C10orf90: variants seen among roughly 807,000 people sequenced by gnomAD.
C10orf90 encodes the protein (E2-independent) E3 ubiquitin-conjugating enzyme FATS.
In C10orf90, 56 loss-of-function variants were observed where a neutral mutation model predicts 62.5. That is an observed-to-expected ratio of 0.90 (90% CI 0.72 to 1.12). The LOEUF (loss-of-function observed/expected upper bound fraction) is 1.12. Among genes scored for constraint, C10orf90 ranks in the 50% most tolerant of loss-of-function variants. C10orf90 has a pLI of 0.00. For synonymous variants in C10orf90, 386 were observed against 340.4 expected, an observed-to-expected ratio of 1.13 and a Z score of -1.47; for missense variants, 970 against 880.4, an observed-to-expected ratio of 1.10 and a Z score of -1.29.
In C10orf90 at chr10:126,461,498, G is replaced by C. The variant is rs2133724937; in HGVS notation, c.1913C>G (p.Ala638Gly). 6.2e-7 allele frequency: 1 copy of C among 1,614,026 alleles called. No homozygotes were observed. The highest frequency in any genetic ancestry group is 2.2e-5 in the East Asian group (1 of 44,868). Reference sequence around the variant, plus strand: ...TCCATCGCGGGGTGCTGGCGAGGGTGCTGCTGGGGAGGGCTCAGGTGTGGT... The same window carrying C: ...TCCATCGCGGGGTGCTGGCGAGGGTCCTGCTGGGGAGGGCTCAGGTGTGGT... Reference protein sequence around the residue: ...DPTTPEPSPAAPSPAPRDGAG... With the variant: ...DPTTPEPSPAGPSPAPRDGAG... Residue 638 changes from alanine to glycine, a missense_variant, in exon 6 of 10, where the codon GCA (alanine) becomes GGA (glycine). Physicochemically the swap from Ala to Gly is moderately conservative, Grantham distance 60 (BLOSUM62 0). Coordinates refer to ENST00000488181, the MANE Select transcript of C10orf90 (RefSeq NM_001350921.2).
intron 2 of C10orf90, among the ~76,000 whole-genome samples, chr10:126,515,182 AT>A (rs1403144166): frequency 6.6e-6 from 1 of 152,238 alleles, no homozygotes; most frequent in Non-Finnish European, 1.5e-5. Context: ...GAGCTGAAAA[AT>A]TCTTATCACC....
intron 2 of C10orf90, among the ~76,000 whole-genome samples, chr10:126,542,395 C>T (rs957927195): frequency 3.3e-5 from 5 of 152,044 alleles, no homozygotes; most frequent in East Asian, 3.9e-4. Context: ...CCCAGTTACT[C>T]GGGATGCTGA....
chr10:126,529,177 C>A (rs1201675361), intron 2 of C10orf90, among the ~76,000 whole-genome samples: 1 of 152,064 alleles, frequency 6.6e-6, no homozygotes, highest in African/African-American at 2.4e-5. Context: ...ATTTTAAAAA[C>A]CAAAATTAGA....
At chr10:126,528,202 G>A (rs531596086) in intron 2 of C10orf90, among the ~76,000 whole-genome samples, 7 of 152,074 alleles carry the variant, frequency 4.6e-5, no homozygotes, top group South Asian at 2.1e-4. Flanking sequence ...CATAGGCCGC[G>A]GGTCAACCAG....
chr10:126,607,808 T>C (rs567777549), intron 2 of C10orf90, among the ~76,000 whole-genome samples: 2 of 152,348 alleles, frequency 1.3e-5, no homozygotes, highest in Middle Eastern at 3.4e-3. Flanking sequence ...CAGAGTTTAC[T>C]CATACGGTTT....
At chr10:126,579,817 A>G (rs1395157997) in intron 2 of C10orf90, among the ~76,000 whole-genome samples, 1 of 152,132 alleles carries the variant, frequency 6.6e-6, no homozygotes, top group Non-Finnish European at 1.5e-5. Flanking sequence ...TGATGCAGGT[A>G]CTTTTCGTGC....
chr10:126,556,104 C>T (rs997447383), intron 2 of C10orf90, among the ~76,000 whole-genome samples: 2 of 152,190 alleles, frequency 1.3e-5, no homozygotes, highest in African/African-American at 4.8e-5. Context: ...CTGATAGTAT[C>T]AAAACCAGCT....
At chr10:126,516,640 G>T (rs577544620) in intron 2 of C10orf90, among the ~76,000 whole-genome samples, 1 of 152,196 alleles carries the variant, frequency 6.6e-6, no homozygotes, top group Non-Finnish European at 1.5e-5. Flanking sequence ...GCAGGGAGGC[G>T]GAGGGACTGC....
intron 2 of C10orf90, among the ~76,000 whole-genome samples, chr10:126,565,005 ATATATATAATATATATTATATAT>A (rs1207671405): frequency 0.072 from 785 of 10,872 alleles, 132 homozygotes; most frequent in Admixed American, 0.11. Context: ...ATTATATATA[ATATATATAATATATATTATATAT>A]TATATAAAAT....
At chr10:126,572,643 C>T (rs1844530247) in intron 2 of C10orf90, among the ~76,000 whole-genome samples, 1 of 152,112 alleles carries the variant, frequency 6.6e-6, no homozygotes, top group South Asian at 2.1e-4. Flanking sequence ...TCCTTTACTG[C>T]AACTTGTTCT....
At chr10:126,442,506 T>TATATATATATATA (rs1858435157) in intron 7 of C10orf90, among the ~76,000 whole-genome samples, 1 of 118,304 alleles carries the variant, frequency 8.5e-6, no homozygotes, top group Admixed American at 8.5e-5. Flanking sequence ...TATATATATA[T>TATATATATATATA]ATCTGTTAAG....
At chr10:126,588,601 TG>T (rs1367128980) in intron 2 of C10orf90, among the ~76,000 whole-genome samples, 4 of 151,072 alleles carry the variant, frequency 2.6e-5, no homozygotes, top group African/African-American at 9.8e-5. Flanking sequence ...TACAGAAGAG[TG>T]GCCTGACTAT....
At chr10:126,565,289 ATATATTTATATTATATAT>A (rs1463522280) in intron 2 of C10orf90, among the ~76,000 whole-genome samples, 6 of 63,998 alleles carry the variant, frequency 9.4e-5, no homozygotes, top group African/African-American at 3.7e-4. Context: ...ATTATATATT[ATATATTTATATTATATAT>A]TATATTATAT....
At chr10:126,630,418 A>G (rs1024525896) in intron 2 of C10orf90, among the ~76,000 whole-genome samples, 2 of 152,154 alleles carry the variant, frequency 1.3e-5, no homozygotes, top group Admixed American at 6.5e-5. Flanking sequence ...GTGATGGCCC[A>G]GGCAGGGCTC....
intron 2 of C10orf90, among the ~76,000 whole-genome samples, chr10:126,613,240 T>A (rs190032817): frequency 5.3e-4 from 80 of 152,264 alleles, no homozygotes; most frequent in African/African-American, 1.8e-3. Flanking sequence ...GTTTTTGTTT[T>A]TTTGAGACAG....
At chr10:126,627,812 T>C (rs1257622968) in intron 2 of C10orf90, among the ~76,000 whole-genome samples, 3 of 152,166 alleles carry the variant, frequency 2.0e-5, no homozygotes, top group Non-Finnish European at 4.4e-5. Context: ...GGTCTTGAAA[T>C]TGTGGGTTCC....
rs527642728 is a variant in C10orf90 at position 126,510,068 on chromosome 10, C to T, written c.405+3780G>A. ...CTGTCCTCTGCTCCATGTCTGGGTC[C>T]TAATCTTTTCTTCTTATATAGACAC... On this transcript the variant is annotated intron_variant, in intron 3 of 9. Transcript: ENST00000488181. 6.6e-5 allele frequency among the ~76,000 whole-genome samples: 10 copies of T among 152,266 alleles called. No individual in the cohort carries two copies. The East Asian group carries it at 1.9e-3, about 29-fold the overall frequency.
intron 1 of C10orf90, among the ~76,000 whole-genome samples, chr10:126,649,070 CT>C (rs1330954029): frequency 0.011 from 534 of 49,400 alleles, 13 homozygotes; most frequent in African/African-American, 0.043. Flanking sequence ...CTCTCTCTCT[CT>C]CCCCCCCCCC....
At chr10:126,471,271 AG>A (rs1461607819) in intron 4 of C10orf90, among the ~76,000 whole-genome samples, 5 of 152,210 alleles carry the variant, frequency 3.3e-5, no homozygotes. Context: ...AAGAGGCAAC[AG>A]CGGGGCTGGA....
Sources: gnomAD v4.1 joint callset for allele counts (sites outside exome capture counted in the v4.1 genomes callset) on GRCh38, gnomAD v4.1.1 for gene constraint, MANE v1.5 for transcripts, NCBI Gene and HGNC (gene_info 2026-07-23, HGNC 2026-07-21) for gene names.